The following IL1RAPL1 variants were observed in gnomAD, a reference collection of about 807,000 sequenced individuals.
The protein encoded by IL1RAPL1 is interleukin 1 receptor accessory protein like 1, also known as interleukin-1 receptor accessory protein-like 1.
IL1RAPL1 carries 3 observed loss-of-function variants against 48.4 expected under a neutral mutation model. That is an observed-to-expected ratio of 0.06 (90% confidence interval 0.03 to 0.16). The LOEUF is 0.16. IL1RAPL1 is among the 10% of genes least tolerant of loss of function. The pLI is 1.00. For missense variants in IL1RAPL1, 349 were observed against 530.6 expected (o/e 0.66, Z 3.36); for synonymous variants, 185 against 187.7 (o/e 0.99, Z 0.12).
chrX:28,735,605 C>T (rs1418860108), intron 1 of IL1RAPL1, among the ~76,000 whole-genome samples: 1 of 108,722 alleles, frequency 9.2e-6, no homozygotes, highest in Non-Finnish European at 1.9e-5. Context: ...TAGCAAGACC[C>T]CATGTCTTAA....
At chrX:28,853,862 A>C (rs1481922748) in intron 2 of IL1RAPL1, among the ~76,000 whole-genome samples, 1 of 111,741 alleles carries the variant, frequency 8.9e-6, no homozygotes, top group Non-Finnish European at 1.9e-5. Flanking sequence ...CTGTAAGATG[A>C]GAGTGTTTAA....
At chrX:29,444,322 A>G (rs1437821673) in intron 5 of IL1RAPL1, among the ~76,000 whole-genome samples, 1 of 105,672 alleles carries the variant, frequency 9.5e-6, no homozygotes, top group Non-Finnish European at 2.0e-5. Flanking sequence ...AGCCTGGGCG[A>G]CAGAGTAAGA....
chrX:29,733,076 G>T (rs1489736741), intron 6 of IL1RAPL1, among the ~76,000 whole-genome samples: 1 of 111,273 alleles, frequency 9.0e-6, no homozygotes, highest in Non-Finnish European at 1.9e-5. Context: ...GAGGGAAAGG[G>T]AAGGGAGCAA....
At chrX:28,699,862 C>G (rs1002730610) in intron 1 of IL1RAPL1, among the ~76,000 whole-genome samples, 3 of 111,423 alleles carry the variant, frequency 2.7e-5, no homozygotes, top group Non-Finnish European at 5.7e-5. Flanking sequence ...GAGTCAGAAC[C>G]TTAAAATGAT....
At chrX:29,369,863 A>G (rs1459188557) in intron 3 of IL1RAPL1, 1 of 111,530 alleles carries the variant, frequency 9.0e-6, no homozygotes, top group African/African-American at 3.3e-5. Flanking sequence ...CATTTCAGAA[A>G]TTCTCCCTAC....
At chrX:29,850,657 C>T (rs775463014) in intron 6 of IL1RAPL1, among the ~76,000 whole-genome samples, 4 of 112,437 alleles carry the variant, frequency 3.6e-5, no homozygotes, top group African/African-American at 1.3e-4. Context: ...AGGAATTCAC[C>T]TTATTGCTGC....
At chrX:29,613,329 G>A (rs971942422) in intron 5 of IL1RAPL1, among the ~76,000 whole-genome samples, 1 of 111,304 alleles carries the variant, frequency 9.0e-6, no homozygotes, top group Non-Finnish European at 1.9e-5. Flanking sequence ...CACATTTCAA[G>A]TGTTCAACAG....
intron 6 of IL1RAPL1, among the ~76,000 whole-genome samples, chrX:29,811,397 G>A (rs186221630): frequency 0.021 from 2,265 of 110,020 alleles, 32 homozygotes; most frequent in Non-Finnish European, 0.031. Flanking sequence ...CAGCACAGGA[G>A]AAGGATGTGG....
intron 5 of IL1RAPL1, among the ~76,000 whole-genome samples, chrX:29,508,918 TAA>T (rs955994690): frequency 8.9e-6 from 1 of 111,954 alleles, no homozygotes; most frequent in African/African-American, 3.2e-5. Context: ...CTACAAATTC[TAA>T]GAGTAACTTA....
At chrX:29,824,159 G>C (rs999472110) in intron 6 of IL1RAPL1, among the ~76,000 whole-genome samples, 3 of 111,739 alleles carry the variant, frequency 2.7e-5, no homozygotes, top group African/African-American at 9.8e-5. Flanking sequence ...AGCTCCACTA[G>C]GCAATTCTAA....
chrX:28,860,599 A>G (rs2147302078), intron 2 of IL1RAPL1, among the ~76,000 whole-genome samples: 1 of 108,848 alleles, frequency 9.2e-6, no homozygotes, highest in South Asian at 4.0e-4. Context: ...CTGGGATTAC[A>G]GGCACACACC....
At chrX:29,415,442 C>A (rs1345073515) in intron 5 of IL1RAPL1, among the ~76,000 whole-genome samples, 1 of 108,592 alleles carries the variant, frequency 9.2e-6, no homozygotes, top group Admixed American at 9.9e-5. Flanking sequence ...TTTTTTGAGA[C>A]AGAGTCTCGC....
intron 1 of IL1RAPL1, among the ~76,000 whole-genome samples, chrX:28,779,640 A>ATG (rs1283631618): frequency 0.07 from 4,257 of 61,179 alleles, 219 homozygotes; most frequent in Middle Eastern, 0.11. Flanking sequence ...GTGTGTATAT[A>ATG]TATATATATA....
At chrX:29,621,174 G>A (rs1412455014) in intron 5 of IL1RAPL1, among the ~76,000 whole-genome samples, 1 of 111,372 alleles carries the variant, frequency 9.0e-6, no homozygotes, top group South Asian at 3.7e-4. Context: ...ATAAAGATTG[G>A]TATATAACAA....
At chrX:29,776,484 T>G (rs1206489705) in intron 6 of IL1RAPL1, among the ~76,000 whole-genome samples, 7 of 112,190 alleles carry the variant, frequency 6.2e-5, no homozygotes, top group African/African-American at 2.3e-4. Flanking sequence ...GTGTCATAAA[T>G]CATTGCTCTA....
chrX:28,860,996 G>A, intron 2 of IL1RAPL1, among the ~76,000 whole-genome samples: 1 of 110,691 alleles, frequency 9.0e-6, no homozygotes, highest in East Asian at 2.8e-4. Flanking sequence ...ATTGTTCCCT[G>A]TTGTAAATTT....
chrX:29,138,119 G>A (rs1289180554), intron 2 of IL1RAPL1, among the ~76,000 whole-genome samples: 1 of 111,931 alleles, frequency 8.9e-6, no homozygotes, highest in Admixed American at 9.5e-5. Context: ...TTTCAAACAC[G>A]TATAGAAAGC....
chrX:28,926,747 C>T (rs753716536), intron 2 of IL1RAPL1, among the ~76,000 whole-genome samples: 2 of 111,348 alleles, frequency 1.8e-5, no homozygotes, highest in African/African-American at 6.5e-5. Context: ...ATTTTCACAC[C>T]TTCTTCTCTC....
chrX:29,836,316 G>A (rs1456269165), intron 6 of IL1RAPL1, among the ~76,000 whole-genome samples: 1 of 107,412 alleles, frequency 9.3e-6, no homozygotes, highest in Non-Finnish European at 1.9e-5. Flanking sequence ...CCAGCCTCCC[G>A]AGTAGCTGGG....
Sources: allele counts gnomAD v4.1 joint callset (sites outside exome capture counted in the v4.1 genomes callset), GRCh38; gene constraint gnomAD v4.1.1; transcripts MANE v1.5; gene names NCBI Gene and HGNC (gene_info 2026-07-23, HGNC 2026-07-21).